LNX1: variants seen among roughly 807,000 people sequenced by gnomAD.
LNX1 encodes the protein E3 ubiquitin-protein ligase LNX.
In LNX1, 54 loss-of-function variants were observed where a neutral mutation model predicts 68.4. The observed-to-expected ratio is 0.79, with a 90% CI of 0.63 to 0.99. LNX1 has a LOEUF of 0.99. Ranked by LOEUF, LNX1 falls within the 50% of genes least tolerant of loss-of-function variation. The pLI is 0.00. For synonymous variants in LNX1, 336 were observed against 350.0 expected (o/e 0.96, Z 0.45); for missense variants, 906 against 926.4 (o/e 0.98, Z 0.29).
At position 53,462,364 on chromosome 4, in the gene LNX1, AT is replaced by A. The variant is rs200839375; in HGVS notation, c.1893-772del. ...TATAGGTACAGGCCAAGTGTTAACTATGTTATAATTGCCATAGAAGTGTGTG... is the reference window on the plus strand; with the variant it reads ...TATAGGTACAGGCCAAGTGTTAACTAGTTATAATTGCCATAGAAGTGTGTG... On this transcript the variant is annotated intron_variant, in intron 9 of 10. Transcript: ENST00000263925. Among the ~76,000 whole-genome samples, 6 of 152,198 alleles carry A rather than the reference AT, an allele frequency of 3.9e-5. No individual in the cohort carries two copies. In the East Asian group the frequency reaches 1.2e-3, roughly 29 times the overall value.
chr4:53,621,770 T>A (rs1268418658), upstream of LNX1, among the ~76,000 whole-genome samples: 1 of 152,200 alleles, frequency 6.6e-6, no homozygotes, highest in Admixed American at 6.5e-5. Flanking sequence ...AGACCCCACC[T>A]CAAATGATAG....
At chr4:53,533,890 G>A (rs764871336) in intron 2 of LNX1, among the ~76,000 whole-genome samples, 1 of 152,208 alleles carries the variant, frequency 6.6e-6, no homozygotes, top group Non-Finnish European at 1.5e-5. Context: ...CTGTGTTGTT[G>A]ACAAACTCTC....
rs1037996671 is a variant in LNX1 at position 53,459,896 on chromosome 4, C to G, written c.*1011G>C. The stretch of plus-strand genomic sequence containing the variant: ...TCTTTATCATTACTGCTGTGACACT[C>G]TTGCTTAGTATATTAAGAGACTCAT... On this transcript the variant is annotated 3_prime_UTR_variant, in exon 11 of 11. Transcript: ENST00000263925. 8.7e-6 allele frequency: 2 copies of G among 229,506 alleles called. No individual in the cohort carries two copies. The highest frequency in any genetic ancestry group is 2.2e-5 in the African/African-American group (1 of 44,746). 14.2% of individuals were successfully genotyped at this position (229,506 alleles called of 1,614,324 possible).
At chr4:53,524,919 C>T (rs1577660279) in intron 2 of LNX1, among the ~76,000 whole-genome samples, 1 of 152,142 alleles carries the variant, frequency 6.6e-6, no homozygotes, top group Admixed American at 6.5e-5. Flanking sequence ...TTCACATGAT[C>T]TGGGGGTGCT....
At chr4:53,555,508 C>T (rs571248575) in intron 2 of LNX1, among the ~76,000 whole-genome samples, 1 of 152,258 alleles carries the variant, frequency 6.6e-6, no homozygotes, top group South Asian at 2.1e-4. Flanking sequence ...TTCCATCTGC[C>T]TTGAATCATT....
At chr4:53,572,817 G>C (rs1374831820) in intron 2 of LNX1, among the ~76,000 whole-genome samples, 1 of 152,146 alleles carries the variant, frequency 6.6e-6, no homozygotes, top group Non-Finnish European at 1.5e-5. Context: ...GTGTGTGCAC[G>C]TGCAACTTAG....
intron 2 of LNX1, among the ~76,000 whole-genome samples, chr4:53,510,890 GA>G (rs1334317885): frequency 2.6e-5 from 4 of 152,298 alleles, no homozygotes; most frequent in Non-Finnish European, 4.4e-5. Flanking sequence ...CCTAGTAAAA[GA>G]AACTGGCACC....
At chr4:53,495,879 T>C in intron 6 of LNX1, 144 bp downstream of exon 6, 2 of 988,704 alleles carry the variant, frequency 2.0e-6, no homozygotes, top group Non-Finnish European at 3.0e-6. Context: ...GCTTTGAAAA[T>C]GTTGGTCTTT....
chr4:53,588,934 C>T (rs1412778638), intron 1 of LNX1, among the ~76,000 whole-genome samples: 2 of 152,136 alleles, frequency 1.3e-5, no homozygotes, highest in Non-Finnish European at 1.5e-5. Flanking sequence ...CATGACAAGG[C>T]CAATCACATC....
chr4:53,550,601 G>C (rs780886650), intron 2 of LNX1, among the ~76,000 whole-genome samples: 3 of 152,192 alleles, frequency 2.0e-5, no homozygotes, highest in Admixed American at 6.5e-5. Flanking sequence ...AATGAAGTGG[G>C]GAGGAAATGG....
chr4:53,485,748 C>T (rs965222222), intron 6 of LNX1, among the ~76,000 whole-genome samples: 1 of 152,174 alleles, frequency 6.6e-6, no homozygotes, highest in African/African-American at 2.4e-5. Context: ...CATCCCCTAG[C>T]ACCAGAGAAT....
At chr4:53,626,367 T>C (rs1316020609) in intron 1 of LNX1, among the ~76,000 whole-genome samples, 1 of 152,156 alleles carries the variant, frequency 6.6e-6, no homozygotes, top group African/African-American at 2.4e-5. Flanking sequence ...AAACAATGAA[T>C]TGTACACTTT....
At chr4:53,593,861 A>G (rs927772985), upstream of LNX1, 1 of 152,188 alleles carries the variant, frequency 6.6e-6, no homozygotes, top group Non-Finnish European at 1.5e-5. Context: ...AAACCAAGAC[A>G]TAGTGAATCT....
At chr4:53,581,073 G>C (rs1408623942) in intron 1 of LNX1, among the ~76,000 whole-genome samples, 1 of 152,094 alleles carries the variant, frequency 6.6e-6, no homozygotes, top group Non-Finnish European at 1.5e-5. Flanking sequence ...TGCAGCTCCA[G>C]GTGCTCCGTG....
At chr4:53,568,813 G>T (rs1225500349) in intron 2 of LNX1, among the ~76,000 whole-genome samples, 1 of 152,266 alleles carries the variant, frequency 6.6e-6, no homozygotes, top group Non-Finnish European at 1.5e-5. Flanking sequence ...CTTCAGCAAA[G>T]TCTCAGGACA....
intron 2 of LNX1, among the ~76,000 whole-genome samples, chr4:53,513,236 C>T (rs1181876173): frequency 1.3e-5 from 2 of 152,140 alleles, no homozygotes; most frequent in Non-Finnish European, 2.9e-5. Flanking sequence ...TGGCAGAAGA[C>T]AGCTCATATC....
intron 1 of LNX1, among the ~76,000 whole-genome samples, chr4:53,628,143 C>T (rs1169391892): frequency 4.6e-5 from 7 of 152,060 alleles, no homozygotes; most frequent in Non-Finnish European, 7.4e-5. Context: ...TTGCAGCAGA[C>T]ATTTGGTTGG....
At position 53,498,820 on chromosome 4, in the gene LNX1, T is replaced by C. The variant is rs1725263263; in HGVS notation, c.799A>G (p.Ile267Val). ...PEVFPRLYHLIPDGEITSIKI... is the reference protein window; with the variant it reads ...PEVFPRLYHLVPDGEITSIKI... Reference sequence around the variant, plus strand: ...ATGCTGGTAATTTCACCATCTGGAATCAGGTGGTACAACCTTGGAAAGACT... The same window carrying C: ...ATGCTGGTAATTTCACCATCTGGAACCAGGTGGTACAACCTTGGAAAGACT... Residue 267 changes from isoleucine (I) to valine (V), a missense_variant, in exon 5 of 11, where the codon ATT becomes GTT. By Grantham distance (29) the Ile-to-Val change is conservative. Transcript: ENST00000263925. 1 of 1,613,512 alleles carries C rather than the reference T, an allele frequency of 6.2e-7. No individual in the cohort carries two copies. The highest frequency in any genetic ancestry group is 1.7e-5 in the Admixed American group (1 of 59,996).
Position 53,496,292 on chromosome 4 carries a change from A to C in LNX1, c.1081T>G (p.Phe361Val). The C allele has an allele frequency of 6.2e-7, 1 of 1,613,956 alleles. No homozygotes were observed. The highest frequency in any genetic ancestry group is 8.5e-7 in the Non-Finnish European group (1 of 1,179,972). The change falls in exon 6 of 11, where the codon TTC becomes GTC. Residue 361 changes from phenylalanine to valine, a missense_variant. By Grantham distance (50) the Phe-to-Val change is conservative. Coordinates refer to ENST00000263925, the MANE Select transcript of LNX1 (RefSeq NM_001126328.3). ...LWLTVMREQK[F>V]RSRNNGQAPD... ...GCCTGTCCATTGTTCCTGCTGCGGA[A>C]CTTCTGTTCACGCATCACAGTCAGC... is the stretch of plus-strand genomic sequence containing the variant.
Sources: allele counts gnomAD v4.1 joint callset (sites outside exome capture counted in the v4.1 genomes callset), GRCh38; gene constraint gnomAD v4.1.1; transcripts MANE v1.5; gene names NCBI Gene and HGNC (gene_info 2026-07-23, HGNC 2026-07-21).